Variants in FHOD3 observed in about 807,000 individuals in gnomAD.
The protein encoded by FHOD3 is formin homology 2 domain containing 3.
A neutral mutation model predicts 173.0 loss-of-function variants in FHOD3; 90 were observed. That is an observed-to-expected ratio of 0.52 (90% CI 0.44 to 0.62). The LOEUF is 0.62. FHOD3 is among the 20% of genes least tolerant of loss of function. FHOD3 has a pLI of 0.00. For missense variants in FHOD3, 1,945 were observed against 2,034.7 expected, an observed-to-expected ratio of 0.96 and a Z score of 0.85; for synonymous variants, 828 against 823.0, an observed-to-expected ratio of 1.01 and a Z score of -0.10.
rs978186197 is a variant in FHOD3, at chr18:36,651,170, G to A, written c.1287-1400G>A. 7.2e-5 allele frequency among the ~76,000 whole-genome samples: 11 copies of A among 152,230 alleles called. No individual in the cohort carries two copies. The East Asian group carries it at 1.2e-3, about 16-fold the overall frequency. On this transcript the variant is annotated intron_variant, in intron 11 of 28. Transcript: ENST00000590592. ...CCGCCTGAGGCACTGCCCTCAGCTC[G>A]CTACAGCATGTCCATCTTCCCATCA... is the stretch of plus-strand genomic sequence containing the variant.
At chr18:36,334,459 A>T (rs2045195328) in intron 1 of FHOD3, among the ~76,000 whole-genome samples, 1 of 152,216 alleles carries the variant, frequency 6.6e-6, no homozygotes, top group Non-Finnish European at 1.5e-5. Context: ...AACAGCTAAC[A>T]CCATGTCTTA....
intron 3 of FHOD3, among the ~76,000 whole-genome samples, chr18:36,432,492 C>T (rs1477020311): frequency 6.6e-6 from 1 of 152,134 alleles, no homozygotes; most frequent in African/African-American, 2.4e-5. Context: ...CCAACTTAAT[C>T]TCACATGGAG....
chr18:36,714,569 T>C (rs2040348494), intron 18 of FHOD3, among the ~76,000 whole-genome samples: 1 of 152,166 alleles, frequency 6.6e-6, no homozygotes, highest in South Asian at 2.1e-4. Flanking sequence ...TTATATTATT[T>C]TCCCTGTTCC....
At chr18:36,437,321 C>A (rs1334668491) in intron 3 of FHOD3, among the ~76,000 whole-genome samples, 1 of 152,092 alleles carries the variant, frequency 6.6e-6, no homozygotes, top group African/African-American at 2.4e-5. Context: ...TTCACCATGC[C>A]TGGCCAAGTA....
chr18:36,589,583 G>A (rs1005428355), intron 6 of FHOD3, among the ~76,000 whole-genome samples: 27 of 152,148 alleles, frequency 1.8e-4, no homozygotes, highest in African/African-American at 5.8e-4. Flanking sequence ...CACTCAAGAC[G>A]CTGTTGAAAG....
intron 5 of FHOD3, among the ~76,000 whole-genome samples, chr18:36,559,542 G>A (rs537194263): frequency 7.4e-4 from 112 of 152,232 alleles, no homozygotes; most frequent in African/African-American, 2.6e-3. Flanking sequence ...ATACCCCTCT[G>A]CACTACATTT....
intron 18 of FHOD3, 90 bp from the exon 19 acceptor site, chr18:36,717,742 A>T: frequency 6.7e-7 from 1 of 1,488,862 alleles, no homozygotes. Context: ...AGTCACTCCC[A>T]TGTGTCAGGC....
intron 14 of FHOD3, among the ~76,000 whole-genome samples, chr18:36,665,609 T>G (rs540519449): frequency 6.0e-5 from 9 of 150,706 alleles, no homozygotes; most frequent in Non-Finnish European, 1.0e-4. Context: ...AAGAGGGGGA[T>G]AAGAAAATGG....
rs772865340 is a variant in FHOD3 at position 36,658,099 on chromosome 18, T to G, written c.1746T>G (p.Ser582=). The G allele has an allele frequency of 6.2e-7, 1 of 1,607,624 alleles. No individual in the cohort carries two copies. The highest frequency in any genetic ancestry group is 1.1e-5 in the South Asian group (1 of 90,684). Residue 582 remains serine (S), a synonymous_variant, in exon 14 of 29, where the codon TCT becomes TCG. Transcript: ENST00000590592. ...GATACAGCAATTTTGGCAATAACTC[T>G]TATCACTCCTCAAGACCCTCATCTG... is the stretch of plus-strand genomic sequence containing the variant. ...SNRYSNFGNN[S]YHSSRPSSGS...
At chr18:36,439,211 A>G (rs1295896106) in intron 3 of FHOD3, among the ~76,000 whole-genome samples, 2 of 152,212 alleles carry the variant, frequency 1.3e-5, no homozygotes, top group Non-Finnish European at 2.9e-5. Context: ...AAGACTTTCA[A>G]AGTTCTATCC....
At chr18:36,611,836 A>G in intron 8 of FHOD3, 116 bp from the exon 9 acceptor site, 1 of 1,011,172 alleles carries the variant, frequency 9.9e-7, no homozygotes, top group Non-Finnish European at 1.4e-6. Context: ...ATCTGTCTGG[A>G]TTGATTAGTG....
chr18:36,456,437 G>C (rs965060950), intron 3 of FHOD3, among the ~76,000 whole-genome samples: 4 of 152,108 alleles, frequency 2.6e-5, no homozygotes, highest in Non-Finnish European at 4.4e-5. Flanking sequence ...GGAAGGAAAG[G>C]ACAGTTGATT....
At chr18:36,490,114 G>A (rs2054392546) in intron 3 of FHOD3, among the ~76,000 whole-genome samples, 1 of 152,184 alleles carries the variant, frequency 6.6e-6, no homozygotes, top group African/African-American at 2.4e-5. Flanking sequence ...CCATGGCTTG[G>A]GTGAGCAGTT....
chr18:36,662,599 C>A (rs747687380), intron 14 of FHOD3, among the ~76,000 whole-genome samples: 5 of 152,176 alleles, frequency 3.3e-5, no homozygotes, highest in Non-Finnish European at 5.9e-5. Flanking sequence ...CAGCAGAGTT[C>A]TTCCTACTTC....
At chr18:36,747,210 C>T (rs1467478595) in intron 24 of FHOD3, 75 bp downstream of exon 24, 11 of 1,216,618 alleles carry the variant, frequency 9.0e-6, no homozygotes, top group East Asian at 2.5e-5. Context: ...AATTAAGAGC[C>T]GATGGTTAAA....
intron 3 of FHOD3, among the ~76,000 whole-genome samples, chr18:36,386,923 G>C (rs2048062801): frequency 6.6e-6 from 1 of 152,166 alleles, no homozygotes; most frequent in Non-Finnish European, 1.5e-5. Context: ...TGGGCCTTGT[G>C]GGTAGAACTT....
At chr18:36,546,404 C>A (rs767321976) in intron 5 of FHOD3, among the ~76,000 whole-genome samples, 1 of 152,114 alleles carries the variant, frequency 6.6e-6, no homozygotes, top group Non-Finnish European at 1.5e-5. Context: ...TGACCTGGGC[C>A]ACCTTAAAGT....
intron 10 of FHOD3, 112 bp from the exon 11 acceptor site, chr18:36,649,204 T>G (rs578051947): frequency 1.0e-5 from 7 of 667,972 alleles, no homozygotes; most frequent in African/African-American, 1.9e-5. Context: ...TTATTATTAT[T>G]TCGTTGTTGT....
chr18:36,666,907 T>G (rs1026727795), intron 14 of FHOD3, among the ~76,000 whole-genome samples: 5 of 152,230 alleles, frequency 3.3e-5, no homozygotes, highest in African/African-American at 1.2e-4. Context: ...TGCCTCTTTG[T>G]GATTATTGCT....
Sources: gnomAD v4.1 joint callset for allele counts (sites outside exome capture counted in the v4.1 genomes callset) on GRCh38, gnomAD v4.1.1 for gene constraint, MANE v1.5 for transcripts, NCBI Gene and HGNC (gene_info 2026-07-23, HGNC 2026-07-21) for gene names.